The following RNF213 variants were observed in gnomAD, a reference collection of about 807,000 sequenced individuals.
RNF213 encodes E3 ubiquitin-protein ligase RNF213.
A neutral mutation model predicts 514.4 loss-of-function variants in RNF213; 341 were observed. That is an observed-to-expected ratio of 0.66 (90% CI 0.61 to 0.73). The LOEUF (loss-of-function observed/expected upper bound fraction) is 0.73. Ranked by LOEUF, RNF213 falls within the 30% of genes least tolerant of loss-of-function variation. RNF213 has a pLI of 0.00. For synonymous variants in RNF213, 2,655 were observed against 2,658.2 expected, an observed-to-expected ratio of 1.00 and a Z score of 0.04; for missense variants, 5,767 against 6,615.6, an observed-to-expected ratio of 0.87 and a Z score of 4.45.
chr17:80,378,191 C>T (rs1053928331), intron 54 of RNF213, among the ~76,000 whole-genome samples: 7 of 152,246 alleles, frequency 4.6e-5, no homozygotes. Flanking sequence ...TTTCTAGCCA[C>T]TGCAGCATGG....
chr17:80,334,745 G>C (rs980699415), intron 22 of RNF213, among the ~76,000 whole-genome samples: 1 of 151,686 alleles, frequency 6.6e-6, no homozygotes, highest in Non-Finnish European at 1.5e-5. Context: ...TCTTGCCTCA[G>C]CCTCCCGAGT....
chr17:80,376,869 T>G lies in RNF213; in HGVS notation c.13429-13T>G. ...CACTTATCTAGAGCTGTCTCTGTCT[T>G]CTTGTTTTTCAGCATGCTTTTCTTC... is the stretch of plus-strand genomic sequence containing the variant. On this transcript the variant is annotated splice_polypyrimidine_tract_variant and intron_variant, in intron 52 of 67. Coordinates refer to ENST00000582970, the MANE Select transcript of RNF213 (RefSeq NM_001256071.3). The G allele has an allele frequency of 1.9e-6, 3 of 1,612,442 alleles. No individual in the cohort carries two copies. Among genetic ancestry groups the G allele is most frequent in the Non-Finnish European group, 2.5e-6 (3 of 1,178,798 alleles).
chr17:80,378,390 C>T (rs1246676938), intron 54 of RNF213, among the ~76,000 whole-genome samples: 1 of 152,216 alleles, frequency 6.6e-6, no homozygotes, highest in East Asian at 1.9e-4. Context: ...GCCCTCCATA[C>T]ACAGTATCTG....
chr17:80,289,932 C>T (rs914109399), intron 6 of RNF213, 95 bp downstream of exon 6: 6 of 1,353,218 alleles, frequency 4.4e-6, no homozygotes, highest in Admixed American at 4.0e-5. Context: ...CCAGGCTGCC[C>T]TTCTAGTCAG....
rs1156636376 is a variant in RNF213, at chr17:80,333,673, G to A, written c.4144-432G>A. On this transcript the variant is annotated intron_variant, in intron 21 of 67. Transcript: ENST00000582970. The stretch of plus-strand genomic sequence containing the variant: ...CGTGCCACTGCACTCCAGCCTGGGC[G>A]ACAGAGTGAGACTCTTATCTCAAAA... 6.0e-5 allele frequency among the ~76,000 whole-genome samples: 9 copies of A among 150,062 alleles called. No individual in the cohort carries two copies. In the East Asian group the frequency reaches 9.9e-4, roughly 16 times the overall value.
intron 20 of RNF213, among the ~76,000 whole-genome samples, chr17:80,331,318 G>A (rs190849001): frequency 1.3e-5 from 2 of 151,414 alleles, no homozygotes; most frequent in Admixed American, 6.6e-5. Context: ...GGTTCAGCTC[G>A]TTTTCAACTT....
intron 17 of RNF213, among the ~76,000 whole-genome samples, chr17:80,324,309 A>T (rs1183963344): frequency 6.6e-6 from 1 of 152,130 alleles, no homozygotes; most frequent in Non-Finnish European, 1.5e-5. Context: ...ATCATAGAAG[A>T]GAGTTGGATT....
Position 80,381,030 on chromosome 17 carries a change from T to C in RNF213, c.13797+43T>C. 1.9e-6 allele frequency: 3 copies of C among 1,604,662 alleles called. No individual in the cohort carries two copies. In the South Asian group the frequency reaches 3.3e-5, roughly 18 times the overall value. ...CAAACAATGGGCTCAGTTAAGAACC[T>C]GCTTTCGCTTCTTCCCAGGGAGTCC... On this transcript the variant is annotated intron_variant, in intron 56 of 67. Transcript: ENST00000582970.
intron 11 of RNF213, among the ~76,000 whole-genome samples, chr17:80,301,444 TCAAA>T (rs2045175087): frequency 6.6e-6 from 1 of 152,086 alleles, no homozygotes; most frequent in African/African-American, 2.4e-5. Context: ...TTTAAGGAAC[TCAAA>T]CAAGTGAACA....
intron 67 of RNF213, 107 bp from the exon 68 acceptor site, chr17:80,393,238 C>G: frequency 8.8e-7 from 1 of 1,133,778 alleles, no homozygotes; most frequent in Non-Finnish European, 1.3e-6. Flanking sequence ...ACCTCAGCCT[C>G]CCACAGTGCT....
intron 42 of RNF213, among the ~76,000 whole-genome samples, chr17:80,366,908 A>G (rs2079298036): frequency 6.6e-6 from 1 of 152,234 alleles, no homozygotes; most frequent in Admixed American, 6.5e-5. Context: ...CAGCCATTAA[A>G]CTATCTTGTA....
chr17:80,386,570 T>C, intron 62 of RNF213, 120 bp from the exon 63 acceptor site: 1 of 1,405,556 alleles, frequency 7.1e-7, no homozygotes, highest in Non-Finnish European at 1.0e-6. Flanking sequence ...ACCCGCCCCA[T>C]ACTTGGGTAG....
intron 44 of RNF213, 127 bp downstream of exon 44, chr17:80,368,270 A>G (rs2079360726): frequency 5.0e-6 from 5 of 991,066 alleles, no homozygotes; most frequent in Non-Finnish European, 3.2e-6. Flanking sequence ...GAGAACTATC[A>G]TAAGAGACGC....
chr17:80,290,543 C>G (rs1461076129), intron 6 of RNF213, 27 bp from the exon 7 acceptor site: 1 of 1,612,748 alleles, frequency 6.2e-7, no homozygotes, highest in African/African-American at 1.3e-5. Flanking sequence ...TCACGGGAAT[C>G]AGATTTCTGT....
intron 38 of RNF213, among the ~76,000 whole-genome samples, chr17:80,361,041 G>A (rs1050071992): frequency 2.6e-5 from 4 of 152,188 alleles, no homozygotes; most frequent in African/African-American, 9.7e-5. Context: ...AGCCCCTGAA[G>A]AGCAGCCCAC....
intron 38 of RNF213, among the ~76,000 whole-genome samples, chr17:80,360,708 C>G (rs2079023118): frequency 6.6e-6 from 1 of 152,226 alleles, no homozygotes; most frequent in Non-Finnish European, 1.5e-5. Context: ...CAGTGCTGAG[C>G]TCTGCTGCCA....
intron 42 of RNF213, 48 bp downstream of exon 42, chr17:80,364,601 C>G (rs763996463): frequency 1.2e-6 from 2 of 1,612,910 alleles, no homozygotes; most frequent in South Asian, 2.2e-5. Context: ...CACCCTTTTC[C>G]GAAAGGAAGA....
At chr17:80,368,405 C>T (rs1681988741) in intron 44 of RNF213, among the ~76,000 whole-genome samples, 2 of 151,154 alleles carry the variant, frequency 1.3e-5, no homozygotes, top group Admixed American at 6.6e-5. Flanking sequence ...AGGTCCTCAC[C>T]AGAGGCCCAA....
Position 80,353,813 on chromosome 17 carries a change from G to A in RNF213, c.10578+147G>A. The stretch of plus-strand genomic sequence containing the variant: ...GCCCCACTTTCCTCACACAGTGACG[G>A]TCTTGTTGCTGGTTACTGGGGGTCA... On this transcript the variant is annotated intron_variant, in intron 34 of 67. Coordinates refer to ENST00000582970, the MANE Select transcript of RNF213 (RefSeq NM_001256071.3). The surrounding 1 kb of genome is among the most constrained non-coding windows in gnomAD (Gnocchi z 5.0). The A allele has an allele frequency of 1.6e-6, 2 of 1,274,988 alleles. No homozygotes were observed. The highest frequency in any genetic ancestry group is 1.2e-5 in the South Asian group (1 of 80,496). The allele number at this position is 1,274,988 out of a possible 1,614,324, so 79.0% of individuals were successfully genotyped here.
Sources: gnomAD v4.1 joint callset for allele counts (sites outside exome capture counted in the v4.1 genomes callset) on GRCh38, gnomAD v4.1.1 for gene constraint, Gnocchi (gnomAD v3.1) non-coding constraint, MANE v1.5 for transcripts, NCBI Gene and HGNC (gene_info 2026-07-23, HGNC 2026-07-21) for gene names.